The following JAKMIP2 variants were observed in gnomAD, a reference collection of about 807,000 sequenced individuals.
The protein encoded by JAKMIP2 is janus kinase and microtubule interacting protein 2.
A neutral mutation model predicts 115.0 loss-of-function variants in JAKMIP2; 25 were observed. The observed-to-expected ratio is 0.22, with a 90% CI of 0.16 to 0.30. The LOEUF is 0.30. Among genes scored for constraint, JAKMIP2 ranks in the 10% least tolerant of loss-of-function variants. JAKMIP2 has a pLI of 1.00. For missense variants in JAKMIP2, 642 were observed against 957.6 expected, an observed-to-expected ratio of 0.67 and a Z score of 4.35; for synonymous variants, 334 against 343.6, an observed-to-expected ratio of 0.97 and a Z score of 0.31.
Position 147,734,454 on chromosome 5 carries a change from A to G in JAKMIP2, c.-149+48002T>C, listed in dbSNP as rs377589397. On this transcript the variant is annotated intron_variant, in intron 1 of 21. Coordinates refer to ENST00000616793, the MANE Select transcript of JAKMIP2 (RefSeq NM_001270941.2). Reference sequence around the variant, plus strand: ...ACTCATAAGTGGGAGCTGAACAATGAGAACATATGGACAGAGGGGGGAACA... The same window carrying G: ...ACTCATAAGTGGGAGCTGAACAATGGGAACATATGGACAGAGGGGGGAACA... Among the ~76,000 whole-genome samples, 48 of 141,980 alleles carry G rather than the reference A, an allele frequency of 3.4e-4. 1 individual carries two copies. The highest frequency in any genetic ancestry group is 1.2e-3 in the African/African-American group (47 of 38,984). 93.1% of individuals were successfully genotyped at this position (141,980 alleles called of 152,430 possible). A position where few individuals can be genotyped will look rare whatever the true frequency, so the allele number is the denominator to read the frequency against.
intron 1 of JAKMIP2, among the ~76,000 whole-genome samples, chr5:147,698,983 T>C (rs1752217739): frequency 6.6e-6 from 1 of 152,200 alleles, no homozygotes; most frequent in Non-Finnish European, 1.5e-5. Flanking sequence ...TTTATCACAA[T>C]CTACGTTATC....
At chr5:147,695,392 T>C (rs1324916325) in intron 1 of JAKMIP2, among the ~76,000 whole-genome samples, 2 of 152,196 alleles carry the variant, frequency 1.3e-5, no homozygotes, top group Admixed American at 6.5e-5. Context: ...ATGAGGTTTA[T>C]GATGGACACT....
intron 1 of JAKMIP2, among the ~76,000 whole-genome samples, chr5:147,694,206 T>C (rs1751996982): frequency 6.8e-6 from 1 of 147,006 alleles, no homozygotes; most frequent in African/African-American, 2.6e-5. Context: ...CTGCCTACAC[T>C]GGGAAGATTC....
intron 2 of JAKMIP2, 45 bp from the exon 3 acceptor site, chr5:147,661,490 G>A: frequency 6.4e-7 from 1 of 1,567,516 alleles, no homozygotes; most frequent in Non-Finnish European, 8.6e-7. Flanking sequence ...GAGCCTCAAA[G>A]GACGGGTGTG....
chr5:147,719,831 G>C (rs571906277), intron 1 of JAKMIP2, among the ~76,000 whole-genome samples: 330 of 151,832 alleles, frequency 2.2e-3, no homozygotes, highest in Middle Eastern at 6.8e-3. Context: ...TTTAATTGGA[G>C]CATTTAGTCC....
In JAKMIP2 at chr5:147,661,045, T is replaced by G. The variant is rs1758935650; in HGVS notation, c.530A>C (p.Asp177Ala). ...DEALSNMIQA[D>A]KIKAGDLRSE... ...CCGAAGGTCCCCAGCCTTGATTTTA[T>G]CTGCTTGGATCATATTGCTCAGAGC... The change falls in exon 3 of 22, where the codon GAT becomes GCT. Residue 177 changes from aspartate to alanine, a missense_variant. Transcript: ENST00000616793. 6.2e-7 allele frequency: 1 copy of G among 1,614,040 alleles called. No homozygotes were observed. The highest frequency in any genetic ancestry group is 8.5e-7 in the Non-Finnish European group (1 of 1,180,012).
At chr5:147,749,372 T>A (rs1435555115) in intron 1 of JAKMIP2, among the ~76,000 whole-genome samples, 1 of 152,216 alleles carries the variant, frequency 6.6e-6, no homozygotes, top group Non-Finnish European at 1.5e-5. Flanking sequence ...CCTTATTTTA[T>A]AGAGGAAGAA....
rs540045552 is a variant in JAKMIP2 at position 147,636,233 on chromosome 5, G to T, written c.1666C>A (p.Leu556Ile). ...KQLFIKRNQE[L>I]LEKIEKQEAE... Reference sequence around the variant, plus strand: ...TGTGCCCAACATACCTTTTCTAAAAGCTCCTGGTTTCTCTTAATGAAAAGT... The same window carrying T: ...TGTGCCCAACATACCTTTTCTAAAATCTCCTGGTTTCTCTTAATGAAAAGT... The change falls in exon 12 of 22, where the codon CTT becomes ATT. Residue 556 changes from leucine (L) to isoleucine (I), a missense_variant. By Grantham distance (5) the Leu-to-Ile change is conservative (BLOSUM62 2). Transcript: ENST00000616793. 1.2e-6 allele frequency: 2 copies of T among 1,613,492 alleles called. No homozygotes were observed. The highest frequency in any genetic ancestry group is 1.1e-5 in the South Asian group (1 of 91,064).
At chr5:147,621,383 A>C (rs1174091242) in intron 17 of JAKMIP2, among the ~76,000 whole-genome samples, 1 of 152,210 alleles carries the variant, frequency 6.6e-6, no homozygotes, top group Non-Finnish European at 1.5e-5. Context: ...AGTCCCAAGC[A>C]CAAGTCAATT....
At chr5:147,621,024 T>C (rs1756822975) in intron 17 of JAKMIP2, among the ~76,000 whole-genome samples, 1 of 152,214 alleles carries the variant, frequency 6.6e-6, no homozygotes, top group South Asian at 2.1e-4. Context: ...AGATTTTGAC[T>C]AGTGTTTAAT....
At chr5:147,688,851 G>A (rs1356919720) in intron 1 of JAKMIP2, among the ~76,000 whole-genome samples, 1 of 152,212 alleles carries the variant, frequency 6.6e-6, no homozygotes, top group African/African-American at 2.4e-5. Flanking sequence ...TACTTGGTAT[G>A]GAAGATACAG....
At chr5:147,730,648 G>A (rs889751422) in intron 1 of JAKMIP2, among the ~76,000 whole-genome samples, 3 of 152,046 alleles carry the variant, frequency 2.0e-5, no homozygotes, top group Non-Finnish European at 4.4e-5. Context: ...TAGAGACAGG[G>A]TTTCACTATG....
At chr5:147,648,552 A>C in intron 4 of JAKMIP2, 78 bp from the exon 5 acceptor site, 6 of 788,008 alleles carry the variant, frequency 7.6e-6, no homozygotes, top group Non-Finnish European at 1.3e-5. Flanking sequence ...ATTATTCATA[A>C]AAGTAATAGG....
chr5:147,607,701 G>A (rs1756099902), intron 20 of JAKMIP2, among the ~76,000 whole-genome samples: 2 of 152,132 alleles, frequency 1.3e-5, no homozygotes, highest in East Asian at 3.9e-4. Flanking sequence ...AATGAGTTAG[G>A]GAGAAGTCCC....
intron 19 of JAKMIP2, among the ~76,000 whole-genome samples, chr5:147,617,327 A>T (rs1048487490): frequency 1.2e-4 from 19 of 152,198 alleles, no homozygotes; most frequent in Non-Finnish European, 2.1e-4. Flanking sequence ...TCTTATCTAC[A>T]GTATTGTTAT....
intron 1 of JAKMIP2, among the ~76,000 whole-genome samples, chr5:147,743,993 AACTTCTTTCCTTCCTT>A (rs1754248467): frequency 1.4e-5 from 1 of 71,066 alleles, no homozygotes; most frequent in African/African-American, 5.7e-5. Flanking sequence ...CTTCCTTCCT[AACTTCTTTCCTTCCTT>A]CCTTCCTTCC....
intron 1 of JAKMIP2, among the ~76,000 whole-genome samples, chr5:147,726,009 G>A (rs1314186716): frequency 6.6e-6 from 1 of 152,128 alleles, no homozygotes; most frequent in Non-Finnish European, 1.5e-5. Flanking sequence ...ATTCAGTGTT[G>A]CTGCAATAAG....
intron 1 of JAKMIP2, among the ~76,000 whole-genome samples, chr5:147,701,900 G>T (rs1752339301): frequency 6.6e-6 from 1 of 152,144 alleles, no homozygotes. Context: ...TCTTATAGCA[G>T]CTAGAATGGA....
intron 19 of JAKMIP2, among the ~76,000 whole-genome samples, chr5:147,615,953 C>T (rs898224085): frequency 3.3e-5 from 5 of 151,942 alleles, no homozygotes; most frequent in Admixed American, 2.6e-4. Context: ...CAAAATGGAC[C>T]AGTATCAAAA....
Sources: allele counts gnomAD v4.1 joint callset (sites outside exome capture counted in the v4.1 genomes callset), GRCh38; gene constraint gnomAD v4.1.1; transcripts MANE v1.5; gene names NCBI Gene and HGNC (gene_info 2026-07-23, HGNC 2026-07-21).